Variants in C9orf152 observed in about 807,000 individuals in gnomAD.
C9orf152 encodes uncharacterized protein C9orf152.
C9orf152 carries 8 observed loss-of-function variants against 8.5 expected under a neutral mutation model. The observed-to-expected ratio is 0.94, with a 90% CI of 0.55 to 1.70. The LOEUF is 1.70. Among genes scored for constraint, C9orf152 ranks in the 40% most tolerant of loss-of-function variants. The pLI, the probability that C9orf152 is intolerant of heterozygous loss-of-function variation, is 0.00. For missense variants in C9orf152, 293 were observed against 286.2 expected (o/e 1.02, Z -0.17); for synonymous variants, 109 against 113.0 (o/e 0.96, Z 0.22).
In C9orf152 at chr9:110,201,027, G is replaced by A. The variant is rs143597638; in HGVS notation, c.641C>T (p.Ala214Val). ...IKNPHRSGKPAYYPFPQRKTP... is the reference protein window; with the variant it reads ...IKNPHRSGKPVYYPFPQRKTP... ...TTTCCTCTGGGGAAATGGATAGTAA[G>A]CTGGTTTGCCAGACCTGTGTGGGTT... Residue 214 changes from alanine (A) to valine (V), a missense_variant, in exon 2 of 2, where the codon GCT (alanine) becomes GTT (valine). Transcript: ENST00000400613. 5.0e-6 allele frequency: 8 copies of A among 1,614,122 alleles called. No homozygotes were observed. The highest frequency in any genetic ancestry group is 5.9e-6 in the Non-Finnish European group (7 of 1,180,058).
chr9:110,201,156 C>G lies in C9orf152; in HGVS notation c.512G>C (p.Gly171Ala). ...TGGAAGCTGGGCAGCCTCTGGGATT[C>G]CGGTTCCTTGCTGAGTCATCTGATT... ...ETNQMTQQGT[G>A]IPEAAQLPCQ... Residue 171 changes from glycine (G) to alanine (A), a missense_variant, in exon 2 of 2, where the codon GGA becomes GCA. Transcript: ENST00000400613. The G allele has an allele frequency of 6.2e-7, 1 of 1,614,214 alleles. No individual in the cohort carries two copies. The highest frequency in any genetic ancestry group is 8.5e-7 in the Non-Finnish European group (1 of 1,180,042).
chr9:110,202,732 T>C (rs191100758), intron 1 of C9orf152, among the ~76,000 whole-genome samples: 271 of 152,258 alleles, frequency 1.8e-3, no homozygotes, highest in African/African-American at 6.4e-3. Context: ...AGGTGTCACT[T>C]AGGTTCACTT....
At position 110,203,229 on chromosome 9, in the gene C9orf152, T is replaced by G. The variant is rs143086901; in HGVS notation, c.194-1755A>C. Among the ~76,000 whole-genome samples the G allele has an allele frequency of 6.5e-3, 995 of 152,158 alleles. 4 individuals carry two copies. Among genetic ancestry groups the G allele is most frequent in the Non-Finnish European group, 7.9e-3 (538 of 67,992 alleles). On this transcript the variant is annotated intron_variant, in intron 1 of 1. Transcript: ENST00000400613. The stretch of plus-strand genomic sequence containing the variant: ...TAGTAGAGACGGGGTTTCACTGTGT[T>G]AGCCAGGATGGTCTCGATTTCCTGA...
chr9:110,202,069 CT>C (rs1397717439), intron 1 of C9orf152, among the ~76,000 whole-genome samples: 1 of 141,950 alleles, frequency 7.0e-6, no homozygotes, highest in African/African-American at 2.5e-5. Flanking sequence ...TTCTGGGATT[CT>C]TTTTGTTTGT....
chr9:110,203,479 C>T (rs1331368296), intron 1 of C9orf152, among the ~76,000 whole-genome samples: 1 of 152,176 alleles, frequency 6.6e-6, no homozygotes, highest in Non-Finnish European at 1.5e-5. Flanking sequence ...CAGTCCCAGC[C>T]TGTGGTTCAG....
At chr9:110,203,043 C>A (rs1268237512) in intron 1 of C9orf152, among the ~76,000 whole-genome samples, 2 of 114,142 alleles carry the variant, frequency 1.8e-5, no homozygotes, top group African/African-American at 7.0e-5. Context: ...GAGATGGAGT[C>A]TTGCTCTGTC....
In C9orf152 at chr9:110,201,441, AC is replaced by A. The variant is rs1446752194; in HGVS notation, c.226del (p.Val76SerfsTer90). On this transcript the variant is annotated frameshift_variant, in exon 2 of 2. Transcript: ENST00000400613. LOFTEE classifies it low-confidence loss of function (END_TRUNC). ...CTCCTTGTTAATCCAAACAGCATTGACCATCGATTCTGCAGGAGCAGGTGTG... is the reference window on the plus strand; with the variant it reads ...CTCCTTGTTAATCCAAACAGCATTGACATCGATTCTGCAGGAGCAGGTGTG... ...GNTPAPAESM[V>X]NAVWINKERR... 6.6e-7 allele frequency: 1 copy of A among 1,521,930 alleles called. No individual in the cohort carries two copies. The highest frequency in any genetic ancestry group is 8.8e-7 in the Non-Finnish European group (1 of 1,142,530). 94.3% of individuals were successfully genotyped at this position (1,521,930 alleles called of 1,614,324 possible). A position where few individuals can be genotyped will look rare whatever the true frequency, so the allele number is the denominator to read the frequency against.
chr9:110,202,184 G>A (rs4978889), intron 1 of C9orf152, among the ~76,000 whole-genome samples: 30,848 of 152,006 alleles, frequency 0.2, 3,592 homozygotes, highest in African/African-American at 0.31. Context: ...GGGTTCAAGC[G>A]ATTCTCCTGC....
rs759257413 is a variant in C9orf152, at chr9:110,207,489, G to C, written c.91C>G (p.Pro31Ala). Reference sequence around the variant, plus strand: ...ATGCTGAGTGGGGGCCCTTTCCCAGGGGCCTGAGTCCTGGAGCCCTCAGCC... The same window carrying C: ...ATGCTGAGTGGGGGCCCTTTCCCAGCGGCCTGAGTCCTGGAGCCCTCAGCC... Reference protein sequence around the residue: ...LMAEGSRTQAPGKGPPLSIQF... With the variant: ...LMAEGSRTQAAGKGPPLSIQF... The change falls in exon 1 of 2, where the codon CCT (proline) becomes GCT (alanine). Residue 31 changes from proline to alanine, a missense_variant. Transcript: ENST00000400613. 2.5e-6 allele frequency: 4 copies of C among 1,613,412 alleles called. No individual in the cohort carries two copies. The South Asian group carries it at 4.4e-5, about 18-fold the overall frequency.
intron 1 of C9orf152, among the ~76,000 whole-genome samples, chr9:110,202,450 A>G (rs1027338076): frequency 1.3e-5 from 2 of 152,176 alleles, no homozygotes; most frequent in Non-Finnish European, 2.9e-5. Context: ...GTTTTGAAGC[A>G]GCTCCCTTTA....
intron 1 of C9orf152, among the ~76,000 whole-genome samples, chr9:110,202,174 G>A (rs952017457): frequency 6.6e-6 from 1 of 152,228 alleles, no homozygotes; most frequent in Admixed American, 6.5e-5. Context: ...TCCACCTCCT[G>A]GGTTCAAGCG....
chr9:110,206,240 C>T (rs374553184), intron 1 of C9orf152, among the ~76,000 whole-genome samples: 73 of 152,134 alleles, frequency 4.8e-4, no homozygotes, highest in East Asian at 1.5e-3. Flanking sequence ...GGAGAAAGGA[C>T]GAGCACAGGG....
In C9orf152 at chr9:110,207,781, G is replaced by C. The variant is rs778325925; in HGVS notation, c.-202C>G. On this transcript the variant is annotated 5_prime_UTR_variant, in exon 1 of 2. Coordinates refer to ENST00000400613, the MANE Select transcript of C9orf152 (RefSeq NM_001012993.3). ...AGGAGGTAGGGATAGGGAGAAATGT[G>C]GGGGAGGAGAAAGGTGGGAGACAGT... 3.1e-5 allele frequency: 16 copies of C among 515,690 alleles called. No individual in the cohort carries two copies. Among genetic ancestry groups the C allele is most frequent in the African/African-American group, 6.1e-5 (3 of 49,572 alleles). 31.9% of individuals were successfully genotyped at this position (515,690 alleles called of 1,614,324 possible). A position where few individuals can be genotyped will look rare whatever the true frequency, so the allele number is the denominator to read the frequency against.
In C9orf152 at chr9:110,207,372, C is replaced by T. The variant is rs373916326; in HGVS notation, c.193+15G>A. The T allele has an allele frequency of 2.0e-5, 32 of 1,608,982 alleles. No individual in the cohort carries two copies. The highest frequency in any genetic ancestry group is 3.3e-4 in the Middle Eastern group (2 of 6,052). ...ATGGTAAGTCTCTCCTTCCCCAGCA[C>T]CTGTCCATTCCTACCTTTTGGAAGC... On this transcript the variant is annotated intron_variant, in intron 1 of 1. Transcript: ENST00000400613.
At chr9:110,204,127 T>A (rs1193759862) in intron 1 of C9orf152, among the ~76,000 whole-genome samples, 2 of 152,164 alleles carry the variant, frequency 1.3e-5, no homozygotes, top group African/African-American at 2.4e-5. Flanking sequence ...CCAGCCCAGA[T>A]ATAAGTCCCG....
Position 110,207,563 on chromosome 9 carries a change from C to T in C9orf152, c.17G>A (p.Cys6Tyr). The change falls in exon 1 of 2, where the codon TGC becomes TAC. Residue 6 changes from cysteine to tyrosine, a missense_variant. Cys to Tyr is a radical substitution (Grantham distance 194, BLOSUM62 -2). Coordinates refer to ENST00000400613, the MANE Select transcript of C9orf152 (RefSeq NM_001012993.3). ...GAAGTGGGGCAGGGCTGGGCACGGG[C>T]AGGGCAACCCCTCCATCCGGATCCG... MEGLP[C>Y]PCPALPHFWQ... The T allele has an allele frequency of 6.3e-7, 1 of 1,594,348 alleles. No individual in the cohort carries two copies. The highest frequency in any genetic ancestry group is 8.5e-7 in the Non-Finnish European group (1 of 1,172,290).
intron 1 of C9orf152, among the ~76,000 whole-genome samples, 174 bp from the exon 2 acceptor site, chr9:110,201,648 G>A (rs1444202276): frequency 2.0e-5 from 3 of 152,042 alleles, no homozygotes; most frequent in African/African-American, 7.2e-5. Context: ...TCACACACAT[G>A]CCCTTTTACA....
At chr9:110,201,708 A>T (rs1203708731) in intron 1 of C9orf152, among the ~76,000 whole-genome samples, 1 of 152,104 alleles carries the variant, frequency 6.6e-6, no homozygotes, top group Non-Finnish European at 1.5e-5. Context: ...CATTCAACAC[A>T]TATTTATTGA....
At chr9:110,203,823 T>G (rs1837246285) in intron 1 of C9orf152, among the ~76,000 whole-genome samples, 1 of 152,142 alleles carries the variant, frequency 6.6e-6, no homozygotes, top group South Asian at 2.1e-4. Flanking sequence ...AGCCCCTCCT[T>G]GATTTCTCTC....
Sources: allele counts gnomAD v4.1 joint callset (sites outside exome capture counted in the v4.1 genomes callset), GRCh38; gene constraint gnomAD v4.1.1; transcripts MANE v1.5; gene names NCBI Gene and HGNC (gene_info 2026-07-23, HGNC 2026-07-21).